UMAD1: variants seen among roughly 807,000 people sequenced by gnomAD.
The protein encoded by UMAD1 is UBAP1-MVB12-associated (UMA) domain containing 1, also known as UBAP1-MVB12-associated (UMA)-domain containing protein 1.
In UMAD1, 8 loss-of-function variants were observed where a neutral mutation model predicts 6.1. That is an observed-to-expected ratio of 1.30 (90% CI 0.76 to 2.35). UMAD1 has a LOEUF of 2.35. Among genes scored for constraint, UMAD1 ranks in the 30% most tolerant of loss-of-function variants. The pLI, the probability that UMAD1 is intolerant of heterozygous loss-of-function variation, is 0.00. For synonymous variants in UMAD1, 56 were observed against 31.4 expected, an observed-to-expected ratio of 1.78 and a Z score of -2.61; for missense variants, 130 against 78.4, an observed-to-expected ratio of 1.66 and a Z score of -2.49.
At chr7:7,772,204 C>G (rs1320810339) in intron 2 of UMAD1, among the ~76,000 whole-genome samples, 1 of 152,126 alleles carries the variant, frequency 6.6e-6, no homozygotes, top group Non-Finnish European at 1.5e-5. Flanking sequence ...GTTTTAGTTG[C>G]AAAATGCAGA....
At chr7:7,644,724 T>C (rs1456396346) in intron 1 of UMAD1, among the ~76,000 whole-genome samples, 1 of 152,196 alleles carries the variant, frequency 6.6e-6, no homozygotes, top group Admixed American at 6.5e-5. Flanking sequence ...CCTGAACCAC[T>C]ACCTATTTTC....
chr7:7,790,333 C>CTGTTCCCT lies in UMAD1; in HGVS notation c.83-11336_83-11329dup, dbSNP rs900549339. 2.4e-4 allele frequency among the ~76,000 whole-genome samples: 36 copies of CTGTTCCCT among 152,328 alleles called. 1 individual carries two copies. Among genetic ancestry groups the CTGTTCCCT allele is most frequent in the African/African-American group, 7.9e-4 (33 of 41,572 alleles). ...ATCTGTGTTTATGCGGATGAAAACT[C>CTGTTCCCT]TGTTCCCTGCTACTAATAGCACCTT... On this transcript the variant is annotated intron_variant, in intron 2 of 3. Coordinates refer to ENST00000682710, the MANE Select transcript of UMAD1 (RefSeq NM_001302348.2).
At chr7:7,781,021 T>C (rs543280891) in intron 2 of UMAD1, among the ~76,000 whole-genome samples, 1 of 152,320 alleles carries the variant, frequency 6.6e-6, no homozygotes, top group African/African-American at 2.4e-5. Flanking sequence ...TTAGAATAAA[T>C]CCTGGAAGTG....
chr7:7,718,001 G>C (rs1270256983), intron 2 of UMAD1, among the ~76,000 whole-genome samples: 1 of 152,156 alleles, frequency 6.6e-6, no homozygotes, highest in Non-Finnish European at 1.5e-5. Flanking sequence ...TTAGAGTTTA[G>C]GGAAATCTAG....
chr7:7,776,533 T>C (rs1782212103), intron 2 of UMAD1, among the ~76,000 whole-genome samples: 1 of 152,152 alleles, frequency 6.6e-6, no homozygotes, highest in South Asian at 2.1e-4. Context: ...TTTTTGCAAT[T>C]ATATGACTAA....
chr7:7,875,920 A>C (rs983105256), intron 3 of UMAD1, among the ~76,000 whole-genome samples: 4 of 152,162 alleles, frequency 2.6e-5, no homozygotes, highest in African/African-American at 9.7e-5. Context: ...GTACAAAAAA[A>C]TACAAAAATT....
At chr7:7,739,690 ATAT>A (rs1781425491) in intron 2 of UMAD1, among the ~76,000 whole-genome samples, 1 of 152,332 alleles carries the variant, frequency 6.6e-6, no homozygotes, top group African/African-American at 2.4e-5. Context: ...ATATTTCCTG[ATAT>A]TATGTTAAAA....
At chr7:7,692,723 C>T (rs1390167837) in intron 2 of UMAD1, among the ~76,000 whole-genome samples, 1 of 152,126 alleles carries the variant, frequency 6.6e-6, no homozygotes, top group Admixed American at 6.5e-5. Flanking sequence ...GATTCTCCTG[C>T]CTCAGCCTCC....
intron 2 of UMAD1, among the ~76,000 whole-genome samples, chr7:7,725,326 T>C (rs1392490765): frequency 6.6e-6 from 1 of 152,114 alleles, no homozygotes; most frequent in Non-Finnish European, 1.5e-5. Flanking sequence ...CTGCAACAGG[T>C]CCAGGCTGCT....
intron 3 of UMAD1, among the ~76,000 whole-genome samples, chr7:7,847,104 AATATATATATAT>A (rs1170307529): frequency 0.018 from 118 of 6,466 alleles, no homozygotes; most frequent in Middle Eastern, 0.5. Context: ...AAAAAAAAAA[AATATATATATAT>A]ATATATATAT....
Position 7,686,945 on chromosome 7 carries a change from C to G in UMAD1, c.82+13492C>G, listed in dbSNP as rs28912737. On this transcript the variant is annotated intron_variant, in intron 2 of 3. Coordinates refer to ENST00000682710, the MANE Select transcript of UMAD1 (RefSeq NM_001302348.2). ...GTGGATATGATGATTATGTAGAATT[C>G]TAGCCAGCATCTAAGACCATGAGAA... Among the ~76,000 whole-genome samples the G allele has an allele frequency of 5.1e-3, 783 of 152,326 alleles. 6 individuals are homozygous for G. The highest frequency in any genetic ancestry group is 0.018 in the African/African-American group (750 of 41,560).
intron 2 of UMAD1, among the ~76,000 whole-genome samples, chr7:7,747,947 T>C (rs1157195800): frequency 6.6e-6 from 1 of 152,182 alleles, no homozygotes; most frequent in Non-Finnish European, 1.5e-5. Context: ...TCTAATAAAG[T>C]ATATGTTTTA....
At chr7:7,675,645 C>G (rs1219256315) in intron 2 of UMAD1, among the ~76,000 whole-genome samples, 2 of 152,200 alleles carry the variant, frequency 1.3e-5, no homozygotes, top group Admixed American at 6.5e-5. Flanking sequence ...CTAATATGCT[C>G]TCAGTACCAG....
At chr7:7,754,741 G>A (rs1781742805) in intron 2 of UMAD1, among the ~76,000 whole-genome samples, 1 of 151,982 alleles carries the variant, frequency 6.6e-6, no homozygotes, top group Non-Finnish European at 1.5e-5. Context: ...AAAACAACTT[G>A]GGTTTGTGGA....
chr7:7,796,923 C>T (rs1782696512), intron 2 of UMAD1, among the ~76,000 whole-genome samples: 1 of 152,198 alleles, frequency 6.6e-6, no homozygotes. Context: ...TTCATGTCTC[C>T]TCATTTGGTG....
At chr7:7,679,749 G>A (rs997828796) in intron 2 of UMAD1, among the ~76,000 whole-genome samples, 1 of 145,310 alleles carries the variant, frequency 6.9e-6, no homozygotes, top group Non-Finnish European at 1.5e-5. Flanking sequence ...CACATATTAA[G>A]AGGCAATAAC....
chr7:7,829,726 G>A (rs1259281532), intron 3 of UMAD1, among the ~76,000 whole-genome samples: 1 of 152,094 alleles, frequency 6.6e-6, no homozygotes, highest in Non-Finnish European at 1.5e-5. Flanking sequence ...AAAATATTAT[G>A]ACACAAAGGT....
At chr7:7,644,505 T>G (rs1785052399) in intron 1 of UMAD1, among the ~76,000 whole-genome samples, 1 of 152,192 alleles carries the variant, frequency 6.6e-6, no homozygotes, top group Non-Finnish European at 1.5e-5. Flanking sequence ...CTAAAATGTT[T>G]AGAGTTTTGC....
At chr7:7,657,690 T>C (rs1267598277) in intron 1 of UMAD1, among the ~76,000 whole-genome samples, 1 of 152,236 alleles carries the variant, frequency 6.6e-6, no homozygotes, top group Non-Finnish European at 1.5e-5. Flanking sequence ...TTGGTACCCA[T>C]ACCATGCTGT....
Sources: allele counts gnomAD v4.1 joint callset (sites outside exome capture counted in the v4.1 genomes callset), GRCh38; gene constraint gnomAD v4.1.1; transcripts MANE v1.5; gene names NCBI Gene and HGNC (gene_info 2026-07-23, HGNC 2026-07-21).